CBY2: variants seen among roughly 807,000 people sequenced by gnomAD.
CBY2 encodes the protein protein chibby homolog 2.
A neutral mutation model predicts 25.3 loss-of-function variants in CBY2; 23 were observed. The observed-to-expected ratio is 0.91, with a 90% CI of 0.65 to 1.29. The LOEUF (loss-of-function observed/expected upper bound fraction) is 1.29, where lower values mean the gene tolerates loss of function less well. CBY2 is among the 50% of genes most tolerant of loss of function. The pLI is 0.00. For missense variants in CBY2, 642 were observed against 590.7 expected, an observed-to-expected ratio of 1.09 and a Z score of -0.90; for synonymous variants, 279 against 260.2, an observed-to-expected ratio of 1.07 and a Z score of -0.70.
intron 2 of CBY2, among the ~76,000 whole-genome samples, chr13:45,706,113 T>C (rs1250719999): frequency 6.6e-6 from 1 of 152,182 alleles, no homozygotes; most frequent in Non-Finnish European, 1.5e-5. Flanking sequence ...GTAGCACTAG[T>C]AAGAGATTTT....
chr13:45,709,517 G>A (rs1950257570), intron 2 of CBY2, among the ~76,000 whole-genome samples: 1 of 152,176 alleles, frequency 6.6e-6, no homozygotes, highest in African/African-American at 2.4e-5. Flanking sequence ...CATGGGCTCA[G>A]TATTCGCAGA....
At chr13:45,712,059 C>T (rs935760390) in intron 2 of CBY2, among the ~76,000 whole-genome samples, 2 of 152,188 alleles carry the variant, frequency 1.3e-5, no homozygotes, top group African/African-American at 2.4e-5. Flanking sequence ...GCTGGGCTGA[C>T]CAACGGCACC....
chr13:45,710,395 C>T (rs191112370), intron 2 of CBY2, among the ~76,000 whole-genome samples: 38 of 152,230 alleles, frequency 2.5e-4, no homozygotes, highest in African/African-American at 8.7e-4. Flanking sequence ...TGGTGGCACG[C>T]GCCTGTAGTC....
At position 45,713,051 on chromosome 13, in the gene CBY2, A is replaced by C. The variant is rs1950280003; in HGVS notation, c.157-131A>C. 1 of 703,408 alleles carries C rather than the reference A, an allele frequency of 1.4e-6. No individual in the cohort carries two copies. Among genetic ancestry groups the C allele is most frequent in the Admixed American group, 2.9e-5 (1 of 34,086 alleles). The allele number at this position is 703,408 out of a possible 1,614,324, so 43.6% of individuals were successfully genotyped here. ...TTTCCTTGTGAGGACCCCAAGAAGC[A>C]AAAGCGCCCACTGTGGCCAGGCCAG... On this transcript the variant is annotated intron_variant, in intron 2 of 2. Transcript: ENST00000310521. This position sits in a 1 kb window ranked among gnomAD's most constrained non-coding sequence, Gnocchi z 5.0.
At chr13:45,709,908 A>G (rs1305624859) in intron 2 of CBY2, among the ~76,000 whole-genome samples, 1 of 152,202 alleles carries the variant, frequency 6.6e-6, no homozygotes, top group Admixed American at 6.5e-5. Flanking sequence ...AGGGAGCCAG[A>G]AGTGGGTTTG....
At chr13:45,709,875 G>A (rs944405560) in intron 2 of CBY2, among the ~76,000 whole-genome samples, 1 of 152,194 alleles carries the variant, frequency 6.6e-6, no homozygotes, top group African/African-American at 2.4e-5. Context: ...TTTCCCATGT[G>A]TGTACTTCAC....
In CBY2 at chr13:45,713,070, A is replaced by T; in HGVS notation, c.157-112A>T. The stretch of plus-strand genomic sequence containing the variant: ...AGAAGCAAAAGCGCCCACTGTGGCC[A>T]GGCCAGACAATCAGACGGGGCTTAT... On this transcript the variant is annotated intron_variant, in intron 2 of 2. Transcript: ENST00000310521. This position sits in a 1 kb window ranked among gnomAD's most constrained non-coding sequence, Gnocchi z 5.0. 2.3e-6 allele frequency: 2 copies of T among 865,568 alleles called. No individual in the cohort carries two copies. Among genetic ancestry groups the T allele is most frequent in the Non-Finnish European group, 3.5e-6 (2 of 575,980 alleles). The allele number at this position is 865,568 out of a possible 1,614,324, so 53.6% of individuals were successfully genotyped here. A position where few individuals can be genotyped will look rare whatever the true frequency, so the allele number is the denominator to read the frequency against.
intron 2 of CBY2, among the ~76,000 whole-genome samples, chr13:45,708,173 A>G (rs148859185): frequency 3.3e-5 from 5 of 152,276 alleles, no homozygotes; most frequent in African/African-American, 9.6e-5. Context: ...TCAAAAATAT[A>G]TGGGTTGGCC....
chr13:45,709,652 G>A (rs577862721), intron 2 of CBY2, among the ~76,000 whole-genome samples: 8 of 152,320 alleles, frequency 5.3e-5, no homozygotes, highest in Non-Finnish European at 8.8e-5. Context: ...ATAACCTAGC[G>A]GTAGGGGAGT....
rs1566071280 is a variant in CBY2 at position 45,713,288 on chromosome 13, A to G, written c.263A>G (p.His88Arg). 3 of 1,613,864 alleles carry G rather than the reference A, an allele frequency of 1.9e-6. No individual in the cohort carries two copies. Among genetic ancestry groups the G allele is most frequent in the Non-Finnish European group, 2.5e-6 (3 of 1,179,980 alleles). The change falls in exon 3 of 3, where the codon CAC becomes CGC. Residue 88 changes from histidine to arginine, a missense_variant. His to Arg is a conservative substitution (Grantham distance 29). Transcript: ENST00000310521. The surrounding 1 kb of genome is among the most constrained non-coding windows in gnomAD (Gnocchi z 5.0). ...PRLSRRMASQHSYPLNRFSSV... is the reference protein window; with the variant it reads ...PRLSRRMASQRSYPLNRFSSV... The stretch of plus-strand genomic sequence containing the variant: ...CTGAGCCGCAGGATGGCGAGCCAGC[A>G]CTCCTATCCACTGAACCGCTTCTCC...
chr13:45,713,568 C>T lies in CBY2; in HGVS notation c.543C>T (p.Ala181=), dbSNP rs748067893. ...ENKSLREENK[A]LREENRMLSK... ...AGTCTCTGCGGGAGGAGAACAAGGC[C>T]CTGCGCGAGGAGAACCGGATGCTCA... Residue 181 remains alanine, a synonymous_variant, in exon 3 of 3, where the codon GCC becomes GCT. Coordinates refer to ENST00000310521, the MANE Select transcript of CBY2 (RefSeq NM_152719.3). This position sits in a 1 kb window ranked among gnomAD's most constrained non-coding sequence, Gnocchi z 5.0. 2.5e-6 allele frequency: 4 copies of T among 1,613,838 alleles called. No homozygotes were observed. The highest frequency in any genetic ancestry group is 1.7e-5 in the Admixed American group (1 of 60,016).
intron 2 of CBY2, among the ~76,000 whole-genome samples, chr13:45,708,707 A>G (rs1214759678): frequency 6.6e-6 from 1 of 152,200 alleles, no homozygotes; most frequent in Non-Finnish European, 1.5e-5. Flanking sequence ...AAATGCCTGT[A>G]TATTTAATAT....
chr13:45,708,299 T>C (rs953261224), intron 2 of CBY2, among the ~76,000 whole-genome samples: 2 of 152,232 alleles, frequency 1.3e-5, no homozygotes, highest in African/African-American at 4.8e-5. Context: ...GGAGATGTTA[T>C]CATTTCTAGT....
In CBY2 at chr13:45,713,724, C is replaced by T. The variant is rs752236337; in HGVS notation, c.699C>T (p.His233=). 3 of 1,611,656 alleles carry T rather than the reference C, an allele frequency of 1.9e-6. No homozygotes were observed. The highest frequency in any genetic ancestry group is 1.1e-5 in the South Asian group (1 of 91,068). The change falls in exon 3 of 3, where the codon CAC becomes CAT. Residue 233 remains histidine, a synonymous_variant. Transcript: ENST00000310521. The surrounding 1 kb of genome is among the most constrained non-coding windows in gnomAD (Gnocchi z 5.0). ...CCCTGGAGGTGGTGAAGAAGGACCACGTCGCCCTGCAGGTGCCCCGTGGCA... is the reference window on the plus strand; with the variant it reads ...CCCTGGAGGTGGTGAAGAAGGACCATGTCGCCCTGCAGGTGCCCCGTGGCA... The part of the protein sequence containing the change: ...SASLEVVKKD[H]VALQVPRGKE...
At chr13:45,712,622 C>T (rs1182972004) in intron 2 of CBY2, among the ~76,000 whole-genome samples, 1 of 152,134 alleles carries the variant, frequency 6.6e-6, no homozygotes, top group Non-Finnish European at 1.5e-5. Flanking sequence ...AAAATAGTGT[C>T]CATTGCGCAG....
intron 2 of CBY2, among the ~76,000 whole-genome samples, chr13:45,711,810 T>C (rs1183089977): frequency 1.3e-5 from 2 of 152,240 alleles, no homozygotes; most frequent in Admixed American, 6.5e-5. Flanking sequence ...TCTTGAGGTC[T>C]ATGGCCACCA....
chr13:45,713,753 A>G lies in CBY2; in HGVS notation c.728A>G (p.Glu243Gly). Residue 243 changes from glutamate to glycine, a missense_variant, in exon 3 of 3, where the codon GAG (glutamate) becomes GGG (glycine). Glu to Gly is a moderately conservative substitution (Grantham distance 98). Transcript: ENST00000310521. The surrounding 1 kb of genome is among the most constrained non-coding windows in gnomAD (Gnocchi z 5.0). ...GCCCTGCAGGTGCCCCGTGGCAAGG[A>G]GGACAGCACCCTGCAGCTCCTCCGG... ...HVALQVPRGK[E>G]DSTLQLLREE... 1 of 1,609,250 alleles carries G rather than the reference A, an allele frequency of 6.2e-7. No homozygotes were observed. Among genetic ancestry groups the G allele is most frequent in the Non-Finnish European group, 8.5e-7 (1 of 1,178,386 alleles).
In CBY2 at chr13:45,713,168, A is replaced by G. The variant is rs1225674423; in HGVS notation, c.157-14A>G. On this transcript the variant is annotated splice_polypyrimidine_tract_variant and intron_variant, in intron 2 of 2. Transcript: ENST00000310521. This position sits in a 1 kb window ranked among gnomAD's most constrained non-coding sequence, Gnocchi z 5.0. The stretch of plus-strand genomic sequence containing the variant: ...CCCATCGTTAACGCTGGGCTTTCCC[A>G]TTCTCTCCCGCAGAGGGGCACAGCC... 27 of 1,593,032 alleles carry G rather than the reference A, an allele frequency of 1.7e-5. No homozygotes were observed. The highest frequency in any genetic ancestry group is 2.1e-5 in the Non-Finnish European group (25 of 1,167,328).
rs771452040 is a variant in CBY2, at chr13:45,713,907, C to T, written c.882C>T (p.Pro294=). 6.5e-7 allele frequency: 1 copy of T among 1,534,652 alleles called. No individual in the cohort carries two copies. The highest frequency in any genetic ancestry group is 2.0e-5 in the Admixed American group (1 of 50,394). Residue 294 remains proline (P), a synonymous_variant, in exon 3 of 3, where the codon CCC becomes CCT. Coordinates refer to ENST00000310521, the MANE Select transcript of CBY2 (RefSeq NM_152719.3). The surrounding 1 kb of genome is among the most constrained non-coding windows in gnomAD (Gnocchi z 5.0). ...APSPHEEPCS[P]GLLQDQGSGL... The stretch of plus-strand genomic sequence containing the variant: ...CACCCCACGAGGAGCCCTGCAGCCC[C>T]GGGCTGCTGCAGGACCAGGGCTCCG...
Sources: gnomAD v4.1 joint callset for allele counts (sites outside exome capture counted in the v4.1 genomes callset) on GRCh38, gnomAD v4.1.1 for gene constraint, Gnocchi (gnomAD v3.1) non-coding constraint, MANE v1.5 for transcripts, NCBI Gene and HGNC (gene_info 2026-07-23, HGNC 2026-07-21) for gene names.